Variants in C12orf76 observed in about 807,000 individuals in gnomAD.
C12orf76 encodes the protein chromosome 12 open reading frame 76.
Under a neutral mutation model 6.8 loss-of-function variants are expected in C12orf76, and 6 were observed. That is an observed-to-expected ratio of 0.88 (90% confidence interval 0.48 to 1.73). C12orf76 has a LOEUF of 1.73. C12orf76 is among the 40% of genes most tolerant of loss of function. The pLI, the probability that C12orf76 is intolerant of heterozygous loss-of-function variation, is 0.01. For synonymous variants in C12orf76, 56 were observed against 43.7 expected (o/e 1.28, Z -1.11); for missense variants, 99 against 98.2 (o/e 1.01, Z -0.03).
chr12:110,073,564 C>A, exon 1 of C12orf76: 2 of 502,270 alleles, frequency 4.0e-6, no homozygotes, highest in Non-Finnish European at 8.0e-6. Flanking sequence ...TCCCTTCCTG[C>A]GCGGGGCTGG....
At chr12:110,068,316 GAA>G (rs1566080261), upstream of C12orf76, among the ~76,000 whole-genome samples, 67 of 144,672 alleles carry the variant, frequency 4.6e-4, 2 homozygotes, top group African/African-American at 1.5e-3. Context: ...AGAAGAAGAA[GAA>G]GAAGAAGAAG....
intron 4 of C12orf76, among the ~76,000 whole-genome samples, chr12:110,056,598 AAG>A (rs1892671854): frequency 6.6e-6 from 1 of 152,054 alleles, no homozygotes; most frequent in African/African-American, 2.4e-5. Flanking sequence ...GAAGAAGAAA[AAG>A]AGGAAAGCTG....
chr12:110,045,124 G>A (rs1241961099), intron 1 of C12orf76, among the ~76,000 whole-genome samples: 1 of 152,188 alleles, frequency 6.6e-6, no homozygotes, highest in African/African-American at 2.4e-5. Context: ...TCCAACCTAC[G>A]TGAACTAAAT....
chr12:110,068,310 GAAGAAGAAGAAGAA>G (rs1892912883), upstream of C12orf76, among the ~76,000 whole-genome samples: 4 of 146,042 alleles, frequency 2.7e-5, no homozygotes, highest in Admixed American at 2.8e-4. Context: ...AGAAGAAGAA[GAAGAAGAAGAAGAA>G]GAAGAAGGCG....
In C12orf76 at chr12:110,057,115, G is replaced by A. The variant is rs75149274; in HGVS notation, n.664+74C>T. 1,208 of 994,120 alleles carry A rather than the reference G, an allele frequency of 1.2e-3. 9 individuals carry two copies. In the African/African-American group the frequency reaches 0.017, roughly 14 times the overall value. 61.6% of individuals were successfully genotyped at this position (994,120 alleles called of 1,614,324 possible). On this transcript the variant is annotated intron_variant and non_coding_transcript_variant, in intron 4 of 4. Transcript: ENST00000309050. The stretch of plus-strand genomic sequence containing the variant: ...GCTGGACTCACCAGATGGAGACGAA[G>A]GTGTCCACCATAAAGTTGTTCTTCA...
chr12:110,045,348 G>GATTAC (rs1892422322), intron 1 of C12orf76, among the ~76,000 whole-genome samples: 2 of 150,858 alleles, frequency 1.3e-5, no homozygotes, highest in East Asian at 4.0e-4. Context: ...ATCCCAGTGA[G>GATTAC]AGGCCAAGGC....
chr12:110,046,886 T>G (rs376423953), intron 1 of C12orf76, among the ~76,000 whole-genome samples: 3 of 152,114 alleles, frequency 2.0e-5, no homozygotes, highest in East Asian at 3.8e-4. Context: ...ACCAAACTTC[T>G]TACAGTGTTT....
upstream of C12orf76, among the ~76,000 whole-genome samples, chr12:110,051,599 G>A (rs982334343): frequency 1.1e-4 from 17 of 151,926 alleles, no homozygotes; most frequent in Non-Finnish European, 2.5e-4. Context: ...GCTAATTTTT[G>A]TATTTTTAGT....
chr12:110,061,678 AG>A (rs1892774807), intron 2 of C12orf76, among the ~76,000 whole-genome samples: 1 of 151,942 alleles, frequency 6.6e-6, no homozygotes. Context: ...CTGGGATTAC[AG>A]GCATCTGCCC....
At chr12:110,065,551 T>C (rs1470141999) in intron 2 of C12orf76, among the ~76,000 whole-genome samples, 7 of 152,118 alleles carry the variant, frequency 4.6e-5, no homozygotes, top group Admixed American at 2.6e-4. Context: ...AGCAAATCCA[T>C]CAGTTCTGCC....
upstream of C12orf76, among the ~76,000 whole-genome samples, chr12:110,068,204 CAAA>C (rs1566079885): frequency 7.5e-6 from 1 of 133,616 alleles, no homozygotes; most frequent in Non-Finnish European, 1.6e-5. Context: ...AACTCCGTCT[CAAA>C]AAAGAAGAAG....
At position 110,065,739 on chromosome 12, in the gene C12orf76, T is replaced by C. The variant is rs1892847910; in HGVS notation, n.380+121A>G. 34 of 1,552,568 alleles carry C rather than the reference T, an allele frequency of 2.2e-5. No homozygotes were observed. The South Asian group carries it at 3.3e-4, about 15-fold the overall frequency. Reference sequence around the variant, plus strand: ...TGGCCCATGAGAGCTTCTAGAAACATGAGTCAGATGGTTTCACTTCTCTGC... The same window carrying C: ...TGGCCCATGAGAGCTTCTAGAAACACGAGTCAGATGGTTTCACTTCTCTGC... On this transcript the variant is annotated intron_variant and non_coding_transcript_variant, in intron 2 of 4. Transcript: ENST00000309050.
intron 4 of C12orf76, chr12:110,056,972 A>G: frequency 1.8e-6 from 1 of 565,304 alleles, no homozygotes; most frequent in Non-Finnish European, 3.2e-6. Flanking sequence ...ATGAGAACAG[A>G]CAAATACATC....
chr12:110,053,957 G>A (rs1247091608), upstream of C12orf76, among the ~76,000 whole-genome samples: 1 of 152,082 alleles, frequency 6.6e-6, no homozygotes, highest in Admixed American at 6.6e-5. Context: ...GGTGGCACGA[G>A]CCTGTAGAGA....
At chr12:110,064,396 A>G (rs1892825765) in intron 2 of C12orf76, among the ~76,000 whole-genome samples, 1 of 152,184 alleles carries the variant, frequency 6.6e-6, no homozygotes, top group Admixed American at 6.5e-5. Context: ...GTGGCCGTTC[A>G]GGTCATGATC....
chr12:110,060,531 G>A (rs1892752143), intron 2 of C12orf76, among the ~76,000 whole-genome samples: 1 of 152,140 alleles, frequency 6.6e-6, no homozygotes, highest in Admixed American at 6.5e-5. Context: ...TTAGCTTGCA[G>A]GAATCCACCT....
At chr12:110,057,663 C>T (rs903087996) in intron 3 of C12orf76, among the ~76,000 whole-genome samples, 1 of 152,166 alleles carries the variant, frequency 6.6e-6, no homozygotes, top group African/African-American at 2.4e-5. Flanking sequence ...TTACCACTAA[C>T]TTAGTGGCTT....
At chr12:110,044,988 G>A (rs1291763139) in intron 1 of C12orf76, among the ~76,000 whole-genome samples, 1 of 151,764 alleles carries the variant, frequency 6.6e-6, no homozygotes, top group Non-Finnish European at 1.5e-5. Flanking sequence ...TAAAAAAAAA[G>A]AAAAGAAAAG....
rs1892311867 is a variant in C12orf76, at chr12:110,041,571, C to T, written c.*803G>A. On this transcript the variant is annotated 3_prime_UTR_variant, in exon 2 of 2. Transcript: ENST00000615315. ...ACTTCTGTTGGCTGGGCCCTCCCCA[C>T]CCAGGGATGAACAGAGTGCCCACTG... is the stretch of plus-strand genomic sequence containing the variant. The T allele has an allele frequency of 6.6e-6, 1 of 152,270 alleles. No homozygotes were observed. Among genetic ancestry groups the T allele is most frequent in the African/African-American group, 2.4e-5 (1 of 41,464 alleles). The allele number at this position is 152,270 out of a possible 1,614,324, so 9.4% of individuals were successfully genotyped here.
Sources: gnomAD v4.1 joint callset for allele counts (sites outside exome capture counted in the v4.1 genomes callset) on GRCh38, gnomAD v4.1.1 for gene constraint, MANE v1.5 for transcripts, NCBI Gene and HGNC (gene_info 2026-07-23, HGNC 2026-07-21) for gene names.